CCDC138: variants seen among roughly 807,000 people sequenced by gnomAD.
CCDC138 encodes coiled-coil domain containing 138, also known as coiled-coil domain-containing protein 138.
CCDC138 carries 66 observed loss-of-function variants against 82.3 expected under a neutral mutation model. That is an observed-to-expected ratio of 0.80 (90% CI 0.66 to 0.98). CCDC138 has a LOEUF of 0.98. CCDC138 is among the 50% of genes least tolerant of loss of function. CCDC138 has a pLI of 0.00. For missense variants in CCDC138, 816 were observed against 758.9 expected (o/e 1.08, Z -0.88); for synonymous variants, 297 against 265.4 (o/e 1.12, Z -1.16).
chr2:108,879,259 A>G (rs2105342312), downstream of CCDC138, among the ~76,000 whole-genome samples: 2 of 152,310 alleles, frequency 1.3e-5, no homozygotes, highest in East Asian at 3.9e-4. Context: ...AGCATGAACC[A>G]ATGTGCCTAG....
intron 7 of CCDC138, among the ~76,000 whole-genome samples, chr2:108,811,248 T>C (rs535019915): frequency 1.6e-5 from 2 of 123,016 alleles, no homozygotes; most frequent in Non-Finnish European, 3.3e-5. Context: ...TCTCTCTCTC[T>C]TTTTTTTTTT....
At chr2:108,808,846 G>A (rs988680819) in intron 7 of CCDC138, among the ~76,000 whole-genome samples, 38 of 151,904 alleles carry the variant, frequency 2.5e-4, no homozygotes, top group Non-Finnish European at 5.0e-4. Flanking sequence ...GTCTGTTTTT[G>A]CTTTTGTTGC....
At chr2:108,838,270 T>TC (rs1688905880) in intron 10 of CCDC138, among the ~76,000 whole-genome samples, 2 of 152,086 alleles carry the variant, frequency 1.3e-5, no homozygotes, top group South Asian at 2.1e-4. Flanking sequence ...GGGCAATCTC[T>TC]CCCCAACTGG....
intron 7 of CCDC138, among the ~76,000 whole-genome samples, chr2:108,808,159 CT>C (rs1198354169): frequency 2.6e-5 from 4 of 152,026 alleles, no homozygotes; most frequent in Non-Finnish European, 4.4e-5. Context: ...AGATTTTGTT[CT>C]TTTTCATAGC....
At chr2:108,810,845 A>G (rs889684968) in intron 7 of CCDC138, among the ~76,000 whole-genome samples, 2 of 152,190 alleles carry the variant, frequency 1.3e-5, no homozygotes, top group South Asian at 4.1e-4. Context: ...ACTTTTTACT[A>G]CAATTCAATC....
intron 5 of CCDC138, among the ~76,000 whole-genome samples, chr2:108,798,040 A>T (rs746430765): frequency 1.3e-5 from 2 of 150,974 alleles, no homozygotes; most frequent in Non-Finnish European, 2.9e-5. Context: ...GCTAATCTAG[A>T]CCTCGTTCTT....
intron 5 of CCDC138, among the ~76,000 whole-genome samples, chr2:108,796,956 C>G (rs73952516): frequency 0.013 from 1,997 of 152,148 alleles, 44 homozygotes; most frequent in African/African-American, 0.046. Context: ...TTTAAAGTGG[C>G]TAGAGAAGAA....
chr2:108,852,504 A>G (rs1292997523), intron 12 of CCDC138, among the ~76,000 whole-genome samples: 1 of 152,218 alleles, frequency 6.6e-6, no homozygotes, highest in Non-Finnish European at 1.5e-5. Context: ...ATCAACCCAA[A>G]TGCCCATCGA....
In CCDC138 at chr2:108,815,943, A is replaced by G. The variant is rs1438396934; in HGVS notation, c.1044A>G (p.Val348=). 2 of 1,604,054 alleles carry G rather than the reference A, an allele frequency of 1.2e-6. No individual in the cohort carries two copies. The highest frequency in any genetic ancestry group is 1.1e-5 in the South Asian group (1 of 88,516). The stretch of plus-strand genomic sequence containing the variant: ...ATGATTTAATTTTTGACATATAGGT[A>G]CCACTTAATGGGCAAGTTTATGAAC... ...EKAPVSKTYK[V]PLNGQVYELL... Residue 348 remains valine (V), a splice_region_variant and synonymous_variant, in exon 10 of 15, where the codon GTA becomes GTG. Coordinates refer to ENST00000295124, the MANE Select transcript of CCDC138 (RefSeq NM_144978.3).
chr2:108,865,091 A>G (rs1210732007), intron 13 of CCDC138, among the ~76,000 whole-genome samples: 1 of 152,050 alleles, frequency 6.6e-6, no homozygotes, highest in South Asian at 2.1e-4. Flanking sequence ...ATACATACAC[A>G]TTTTTACTTT....
chr2:108,842,156 T>TC (rs536447852), intron 11 of CCDC138, among the ~76,000 whole-genome samples: 40 of 152,108 alleles, frequency 2.6e-4, no homozygotes, highest in African/African-American at 9.6e-4. Context: ...GCCTCCTGTG[T>TC]AGCTAGGATT....
At chr2:108,794,841 AGGAC>A in intron 5 of CCDC138, 120 bp downstream of exon 5, 1 of 772,408 alleles carries the variant, frequency 1.3e-6, no homozygotes, top group Non-Finnish European at 2.0e-6. Context: ...TGTCAAGAGA[AGGAC>A]GGAAGGGGAC....
rs1696034575 is a variant in CCDC138, at chr2:108,876,481, T to C, written c.*228T>C. The C allele has an allele frequency of 3.2e-6, 1 of 315,638 alleles. No individual in the cohort carries two copies. Among genetic ancestry groups the C allele is most frequent in the African/African-American group, 2.1e-5 (1 of 46,852 alleles). 19.6% of individuals were successfully genotyped at this position (315,638 alleles called of 1,614,324 possible). ...AATATACAAGATGGCGTTTCTAGAA[T>C]GTATGACACTGAAGTGACTTTTTGT... On this transcript the variant is annotated 3_prime_UTR_variant, in exon 15 of 15. Coordinates refer to ENST00000295124, the MANE Select transcript of CCDC138 (RefSeq NM_144978.3).
chr2:108,810,003 G>C (rs1427742770), intron 7 of CCDC138, among the ~76,000 whole-genome samples: 1 of 152,088 alleles, frequency 6.6e-6, no homozygotes, highest in Non-Finnish European at 1.5e-5. Flanking sequence ...ACGGGGTTTT[G>C]CTGTATTGGC....
chr2:108,818,813 C>A (rs1685190389), intron 10 of CCDC138, among the ~76,000 whole-genome samples: 1 of 150,514 alleles, frequency 6.6e-6, no homozygotes. Flanking sequence ...CCTTTGGAAA[C>A]TTCTGACTTT....
intron 1 of CCDC138, chr2:108,882,445 T>A (rs751995033): frequency 1.3e-5 from 2 of 152,158 alleles, no homozygotes; most frequent in African/African-American, 4.8e-5. Flanking sequence ...AAGTGTCAGA[T>A]CCTTTTCTAT....
chr2:108,837,500 A>G (rs1190352767), intron 10 of CCDC138, among the ~76,000 whole-genome samples: 2 of 152,210 alleles, frequency 1.3e-5, no homozygotes, highest in African/African-American at 4.8e-5. Context: ...AATGGAGCAA[A>G]GAAAAAAAGA....
At chr2:108,818,170 G>T (rs926188284) in intron 10 of CCDC138, among the ~76,000 whole-genome samples, 1 of 152,044 alleles carries the variant, frequency 6.6e-6, no homozygotes, top group African/African-American at 2.4e-5. Context: ...GCCAGGCCTG[G>T]TGGCACGCGC....
intron 10 of CCDC138, among the ~76,000 whole-genome samples, chr2:108,817,623 T>G (rs1006889438): frequency 1.4e-4 from 21 of 152,166 alleles, no homozygotes; most frequent in African/African-American, 5.1e-4. Flanking sequence ...GGAATTGCCC[T>G]CAGCTGACAG....
Sources: allele counts gnomAD v4.1 joint callset (sites outside exome capture counted in the v4.1 genomes callset), GRCh38; gene constraint gnomAD v4.1.1; transcripts MANE v1.5; gene names NCBI Gene and HGNC (gene_info 2026-07-23, HGNC 2026-07-21).